Variants in ADGRL3 observed in about 807,000 individuals in gnomAD.
ADGRL3 encodes the protein adhesion G protein-coupled receptor L3, also known as calcium-independent alpha-latrotoxin receptor 3.
ADGRL3 carries 62 observed loss-of-function variants against 153.5 expected under a neutral mutation model. That is an observed-to-expected ratio of 0.40 (90% CI 0.33 to 0.50). The LOEUF (loss-of-function observed/expected upper bound fraction) is 0.50. Ranked by LOEUF, ADGRL3 falls within the 20% of genes least tolerant of loss-of-function variation. ADGRL3 has a pLI of 0.47. For missense variants in ADGRL3, 1,641 were observed against 1,859.4 expected (o/e 0.88, Z 2.16); for synonymous variants, 710 against 672.5 (o/e 1.06, Z -0.86).
chr4:61,349,586 T>C (rs991933661), intron 1 of ADGRL3, among the ~76,000 whole-genome samples: 1 of 151,850 alleles, frequency 6.6e-6, no homozygotes, highest in Admixed American at 6.6e-5. Context: ...GGTTGCATTG[T>C]TACATGTAAG....
intron 2 of ADGRL3, among the ~76,000 whole-genome samples, chr4:61,473,259 AG>A (rs2097991581): frequency 6.6e-6 from 1 of 151,250 alleles, no homozygotes; most frequent in Non-Finnish European, 1.5e-5. Context: ...TTTTTTAAGT[AG>A]GGGAAACTTT....
At chr4:61,967,342 T>C (rs1170207816) in intron 17 of ADGRL3, among the ~76,000 whole-genome samples, 1 of 152,182 alleles carries the variant, frequency 6.6e-6, no homozygotes, top group Non-Finnish European at 1.5e-5. Context: ...CTATGGCATG[T>C]TTATATTTGC....
At chr4:61,477,876 A>G (rs920146549) in intron 2 of ADGRL3, among the ~76,000 whole-genome samples, 2 of 152,050 alleles carry the variant, frequency 1.3e-5, no homozygotes, top group African/African-American at 4.8e-5. Flanking sequence ...TTGTGGAAAA[A>G]ACTTGTCAAT....
chr4:62,070,251 C>G lies in ADGRL3; in HGVS notation c.3975C>G (p.Asn1325Lys), dbSNP rs764425117. Reference protein sequence around the residue: ...VQIIDRGYNHNETALEKKILK... With the variant: ...VQIIDRGYNHKETALEKKILK... ...TCATAGACCGTGGCTATAACCATAA[C>G]GAGACCGCCCTAGAGAAAAAGATTC... Residue 1325 changes from asparagine to lysine, a missense_variant, in exon 27 of 27, where the codon AAC (asparagine) becomes AAG (lysine). Physicochemically the swap from Asn to Lys is moderately conservative, Grantham distance 94 (BLOSUM62 0). Transcript: ENST00000683033. The G allele has an allele frequency of 3.1e-6, 5 of 1,611,116 alleles. No individual in the cohort carries two copies. The highest frequency in any genetic ancestry group is 2.7e-5 in the African/African-American group (2 of 74,782).
At chr4:61,290,673 A>G (rs1283518886) in intron 1 of ADGRL3, among the ~76,000 whole-genome samples, 2 of 150,426 alleles carry the variant, frequency 1.3e-5, no homozygotes, top group African/African-American at 4.9e-5. Flanking sequence ...AAAGGAAGGA[A>G]GGAAGGAAGG....
intron 8 of ADGRL3, among the ~76,000 whole-genome samples, chr4:61,797,126 A>G (rs997653813): frequency 1.3e-5 from 2 of 152,148 alleles, no homozygotes; most frequent in Non-Finnish European, 2.9e-5. Context: ...ACATGGCCAA[A>G]TCAAGTGAAA....
chr4:61,489,213 T>G (rs2098230823), intron 2 of ADGRL3, among the ~76,000 whole-genome samples: 1 of 152,000 alleles, frequency 6.6e-6, no homozygotes, highest in African/African-American at 2.4e-5. Flanking sequence ...AATCTGCTTA[T>G]GTCATACAGC....
chr4:61,759,796 G>A (rs2096887271), intron 8 of ADGRL3, among the ~76,000 whole-genome samples: 1 of 152,114 alleles, frequency 6.6e-6, no homozygotes, highest in South Asian at 2.1e-4. Context: ...CCTCATCTTT[G>A]TGGTTTTATC....
chr4:61,257,579 A>G (rs1195676611), intron 1 of ADGRL3, among the ~76,000 whole-genome samples: 6 of 152,192 alleles, frequency 3.9e-5, no homozygotes, highest in Non-Finnish European at 7.3e-5. Flanking sequence ...TAGGTAGCTC[A>G]GGAAGACATT....
chr4:61,296,703 G>A (rs1000167307), intron 1 of ADGRL3, among the ~76,000 whole-genome samples: 6 of 152,028 alleles, frequency 3.9e-5, no homozygotes, highest in African/African-American at 1.4e-4. Context: ...TGGAAATGAA[G>A]ACTCTCATTT....
intron 1 of ADGRL3, among the ~76,000 whole-genome samples, chr4:61,347,937 TA>T (rs1051767452): frequency 2.6e-5 from 4 of 152,238 alleles, no homozygotes; most frequent in Non-Finnish European, 5.9e-5. Context: ...TCTCATTTCT[TA>T]AAACAGACTC....
At chr4:61,208,080 A>C (rs1738168108) in intron 1 of ADGRL3, among the ~76,000 whole-genome samples, 2 of 152,192 alleles carry the variant, frequency 1.3e-5, no homozygotes, top group Non-Finnish European at 2.9e-5. Context: ...TGAAATGGAA[A>C]CTTTAAAGCA....
intron 6 of ADGRL3, among the ~76,000 whole-genome samples, chr4:61,708,429 T>C (rs1490490137): frequency 6.6e-6 from 1 of 152,124 alleles, no homozygotes; most frequent in East Asian, 1.9e-4. Context: ...AAACATGTTT[T>C]TAAAGGTACT....
In ADGRL3 at chr4:61,534,634, C is replaced by T. The variant is rs1267789343; in HGVS notation, c.259+17116C>T. Reference sequence around the variant, plus strand: ...TCATTCATCAGTGTTTTGTGGTTCTCCTCGTAGAGGATTTTAAATTCCTTC... The same window carrying T: ...TCATTCATCAGTGTTTTGTGGTTCTTCTCGTAGAGGATTTTAAATTCCTTC... On this transcript the variant is annotated intron_variant, in intron 4 of 26. Coordinates refer to ENST00000683033, the MANE Select transcript of ADGRL3 (RefSeq NM_001387552.1). Among the ~76,000 whole-genome samples the T allele has an allele frequency of 2.6e-5, 4 of 151,988 alleles. 1 individual carries two copies. The East Asian group carries it at 7.7e-4, about 29-fold the overall frequency.
At chr4:61,273,003 T>A (rs2093278629) in intron 1 of ADGRL3, among the ~76,000 whole-genome samples, 2 of 152,132 alleles carry the variant, frequency 1.3e-5, no homozygotes, top group Non-Finnish European at 2.9e-5. Flanking sequence ...TTACCTACAC[T>A]CTCTACTACT....
chr4:62,036,420 T>A (rs1357639619), intron 23 of ADGRL3, among the ~76,000 whole-genome samples: 1 of 152,034 alleles, frequency 6.6e-6, no homozygotes, highest in Non-Finnish European at 1.5e-5. Context: ...TATGCTTGAG[T>A]CACCTGACCC....
chr4:61,905,113 G>C (rs2098689139), intron 11 of ADGRL3, among the ~76,000 whole-genome samples: 1 of 152,028 alleles, frequency 6.6e-6, no homozygotes, highest in Admixed American at 6.6e-5. Flanking sequence ...ACTATGAATG[G>C]CACATTAATT....
intron 9 of ADGRL3, among the ~76,000 whole-genome samples, chr4:61,822,908 G>T (rs931909676): frequency 6.6e-6 from 1 of 152,132 alleles, no homozygotes; most frequent in African/African-American, 2.4e-5. Flanking sequence ...TCTTCTTCAG[G>T]TTTGATGTGA....
chr4:61,571,634 C>T (rs757754671), intron 4 of ADGRL3, among the ~76,000 whole-genome samples: 3 of 152,134 alleles, frequency 2.0e-5, no homozygotes, highest in African/African-American at 4.8e-5. Context: ...TCTGTGCCTG[C>T]GTTCATACCA....
Sources: allele counts gnomAD v4.1 joint callset (sites outside exome capture counted in the v4.1 genomes callset), GRCh38; gene constraint gnomAD v4.1.1; transcripts MANE v1.5; gene names NCBI Gene and HGNC (gene_info 2026-07-23, HGNC 2026-07-21).